Variants in FBXO42 observed in about 807,000 individuals in gnomAD.
FBXO42 encodes F-box protein 42.
FBXO42 carries 12 observed loss-of-function variants against 71.7 expected under a neutral mutation model. The observed-to-expected ratio is 0.17, with a 90% CI of 0.11 to 0.27. The LOEUF is 0.27. Among genes scored for constraint, FBXO42 ranks in the 10% least tolerant of loss-of-function variants. The pLI is 1.00. For missense variants in FBXO42, 707 were observed against 911.9 expected, an observed-to-expected ratio of 0.78 and a Z score of 2.89; for synonymous variants, 325 against 327.5, an observed-to-expected ratio of 0.99 and a Z score of 0.08.
chr1:16,351,271 A>G (rs76148646), intron 1 of FBXO42, among the ~76,000 whole-genome samples: 349 of 152,326 alleles, frequency 2.3e-3, no homozygotes, highest in African/African-American at 8.0e-3. Context: ...ACTTCCCTAC[A>G]TGACAGAAAC....
intron 4 of FBXO42, among the ~76,000 whole-genome samples, chr1:16,276,430 G>A (rs2081904191): frequency 6.7e-6 from 1 of 150,098 alleles, no homozygotes; most frequent in Non-Finnish European, 1.5e-5. Context: ...GAGAACTTGA[G>A]AAACTGGCCT....
At chr1:16,312,966 TG>T (rs2082327258) in intron 2 of FBXO42, among the ~76,000 whole-genome samples, 1 of 152,002 alleles carries the variant, frequency 6.6e-6, no homozygotes, top group Non-Finnish European at 1.5e-5. Flanking sequence ...CACTAATTTT[TG>T]TATTTTTAGT....
intron 1 of FBXO42, among the ~76,000 whole-genome samples, chr1:16,320,360 C>CA (rs35441053): frequency 0.69 from 77,931 of 113,420 alleles, 27,914 homozygotes; most frequent in Middle Eastern, 0.82. Context: ...AACTCCATGT[C>CA]AAAAAAAAAA....
chr1:16,334,005 G>A (rs535605179), intron 1 of FBXO42, among the ~76,000 whole-genome samples: 1 of 152,252 alleles, frequency 6.6e-6, no homozygotes, highest in African/African-American at 2.4e-5. Context: ...AACTTCAAAA[G>A]GCTATATTCT....
At chr1:16,351,362 G>T (rs2082701337) in intron 1 of FBXO42, among the ~76,000 whole-genome samples, 1 of 152,108 alleles carries the variant, frequency 6.6e-6, no homozygotes, top group Admixed American at 6.6e-5. Flanking sequence ...CAACGTCGGG[G>T]CCAGCAACTG....
chr1:16,330,632 C>A (rs909242745), intron 1 of FBXO42, among the ~76,000 whole-genome samples: 4 of 152,082 alleles, frequency 2.6e-5, no homozygotes, highest in Non-Finnish European at 5.9e-5. Context: ...CATGGTGAAA[C>A]CCTGTCTCTA....
intron 1 of FBXO42, among the ~76,000 whole-genome samples, chr1:16,327,340 T>A (rs2082460154): frequency 1.3e-5 from 2 of 152,218 alleles, no homozygotes; most frequent in African/African-American, 4.8e-5. Flanking sequence ...GCATAAAATG[T>A]ATTTTTCTTC....
chr1:16,314,289 C>A (rs2082342584), intron 2 of FBXO42, among the ~76,000 whole-genome samples: 1 of 152,216 alleles, frequency 6.6e-6, no homozygotes, highest in East Asian at 1.9e-4. Flanking sequence ...TATATAGGGT[C>A]TTTGCTGTTT....
chr1:16,351,989 C>T (rs1327283257), intron 1 of FBXO42, among the ~76,000 whole-genome samples: 1 of 152,160 alleles, frequency 6.6e-6, no homozygotes, highest in Non-Finnish European at 1.5e-5. Flanking sequence ...CTTCACTGCC[C>T]GGGTGAGGGG....
At chr1:16,268,951 G>A (rs915171413) in intron 4 of FBXO42, among the ~76,000 whole-genome samples, 5 of 151,438 alleles carry the variant, frequency 3.3e-5, no homozygotes, top group African/African-American at 1.2e-4. Context: ...TGGGACTACA[G>A]ACACGCATCA....
chr1:16,287,749 C>T (rs1438969188), intron 4 of FBXO42, among the ~76,000 whole-genome samples: 1 of 152,082 alleles, frequency 6.6e-6, no homozygotes, highest in Non-Finnish European at 1.5e-5. Context: ...TGTGCCTGGC[C>T]TGTGCTGTCA....
At chr1:16,284,459 T>TC (rs2081999893) in intron 4 of FBXO42, among the ~76,000 whole-genome samples, 2 of 152,116 alleles carry the variant, frequency 1.3e-5, no homozygotes. Flanking sequence ...CTAACAATTC[T>TC]CCCCCTCTAT....
chr1:16,272,236 G>C (rs1016249423), intron 4 of FBXO42, among the ~76,000 whole-genome samples: 1 of 150,498 alleles, frequency 6.6e-6, no homozygotes, highest in Non-Finnish European at 1.5e-5. Flanking sequence ...GATGTCCACA[G>C]AGACGCAAAC....
intron 3 of FBXO42, among the ~76,000 whole-genome samples, chr1:16,304,871 A>C (rs541510705): frequency 6.6e-6 from 1 of 152,262 alleles, no homozygotes; most frequent in East Asian, 1.9e-4. Flanking sequence ...CAGGAGGCTG[A>C]GGCAGGAGAA....
intron 3 of FBXO42, among the ~76,000 whole-genome samples, chr1:16,301,008 C>CCTGCCT (rs2082187444): frequency 6.7e-6 from 1 of 150,090 alleles, no homozygotes; most frequent in Admixed American, 6.7e-5. Context: ...AAGCGATTCT[C>CCTGCCT]CTGCCTCAGC....
chr1:16,326,040 G>GTC (rs1553154830), intron 1 of FBXO42, among the ~76,000 whole-genome samples: 22 of 150,388 alleles, frequency 1.5e-4, no homozygotes, highest in Admixed American at 4.0e-4. Context: ...GTGTGTGTGT[G>GTC]TGTGTGTGTC....
intron 4 of FBXO42, among the ~76,000 whole-genome samples, chr1:16,263,730 A>G (rs189264890): frequency 1.8e-3 from 231 of 131,526 alleles, no homozygotes; most frequent in Non-Finnish European, 3.2e-3. Flanking sequence ...TCTCAAGGAA[A>G]AAAACAAAAA....
intron 4 of FBXO42, among the ~76,000 whole-genome samples, chr1:16,269,749 T>A (rs986326548): frequency 2.0e-5 from 3 of 152,012 alleles, no homozygotes; most frequent in African/African-American, 7.3e-5. Flanking sequence ...GGTCTCAAAC[T>A]CCCAATCTCA....
At chr1:16,275,520 G>A (rs1404103635) in intron 4 of FBXO42, among the ~76,000 whole-genome samples, 3 of 152,148 alleles carry the variant, frequency 2.0e-5, no homozygotes, top group Admixed American at 1.3e-4. Context: ...TTGGGAGGCT[G>A]AAGCAGGAGG....
Sources: gnomAD v4.1 joint callset for allele counts (sites outside exome capture counted in the v4.1 genomes callset) on GRCh38, gnomAD v4.1.1 for gene constraint, MANE v1.5 for transcripts, NCBI Gene and HGNC (gene_info 2026-07-23, HGNC 2026-07-21) for gene names.